The following GXYLT2 variants were observed in gnomAD, a reference collection of about 807,000 sequenced individuals.
The protein encoded by GXYLT2 is glycosyltransferase 8 domain containing 4.
A neutral mutation model predicts 45.8 loss-of-function variants in GXYLT2; 53 were observed. That is an observed-to-expected ratio of 1.16 (90% CI 0.93 to 1.46). The LOEUF is 1.46. Ranked by LOEUF, GXYLT2 falls within the 40% of genes most tolerant of loss-of-function variation. The pLI, the probability that GXYLT2 is intolerant of heterozygous loss-of-function variation, is 0.00. For synonymous variants in GXYLT2, 219 were observed against 214.2 expected, an observed-to-expected ratio of 1.02 and a Z score of -0.19; for missense variants, 551 against 544.4, an observed-to-expected ratio of 1.01 and a Z score of -0.12.
intron 1 of GXYLT2, among the ~76,000 whole-genome samples, chr3:72,900,926 G>A (rs1709390778): frequency 1.3e-5 from 2 of 152,004 alleles, no homozygotes; most frequent in Admixed American, 1.3e-4. Flanking sequence ...AGGCCAAGGT[G>A]GGTAGATCAT....
intron 2 of GXYLT2, among the ~76,000 whole-genome samples, chr3:72,912,601 A>G (rs958875222): frequency 1.3e-5 from 2 of 152,194 alleles, no homozygotes; most frequent in Non-Finnish European, 2.9e-5. Context: ...ATGTAATGCT[A>G]TGTGACAAAA....
chr3:72,911,469 G>T (rs575520580), intron 2 of GXYLT2, among the ~76,000 whole-genome samples: 1 of 152,268 alleles, frequency 6.6e-6, no homozygotes, highest in Admixed American at 6.5e-5. Context: ...GGGCAGAAGG[G>T]ATGGTATGTC....
intron 5 of GXYLT2, among the ~76,000 whole-genome samples, chr3:72,963,515 T>TTG (rs1356148410): frequency 1.3e-5 from 2 of 151,076 alleles, no homozygotes; most frequent in Non-Finnish European, 3.0e-5. Flanking sequence ...TTGTTTTTTT[T>TTG]TTTTTGAGAC....
intron 1 of GXYLT2, among the ~76,000 whole-genome samples, chr3:72,905,255 T>C (rs1709489957): frequency 6.6e-6 from 1 of 151,972 alleles, no homozygotes; most frequent in Admixed American, 6.6e-5. Context: ...GTAGCTGGGA[T>C]TACAGGCACA....
intron 2 of GXYLT2, among the ~76,000 whole-genome samples, chr3:72,917,256 A>C (rs976589241): frequency 6.6e-6 from 1 of 152,050 alleles, no homozygotes; most frequent in Non-Finnish European, 1.5e-5. Flanking sequence ...AATTTCCCAT[A>C]CTTTTTCGAG....
intron 1 of GXYLT2, among the ~76,000 whole-genome samples, chr3:72,896,890 G>A (rs570946317): frequency 4.6e-5 from 7 of 151,914 alleles, no homozygotes; most frequent in East Asian, 1.9e-4. Flanking sequence ...GTTCAAATCC[G>A]TTTTGTAGTA....
At chr3:72,956,999 G>A (rs1046907630) in intron 4 of GXYLT2, among the ~76,000 whole-genome samples, 7 of 148,286 alleles carry the variant, frequency 4.7e-5, no homozygotes, top group Non-Finnish European at 1.0e-4. Flanking sequence ...AGAAACCATA[G>A]GTTCAACTTT....
intron 3 of GXYLT2, among the ~76,000 whole-genome samples, chr3:72,945,183 G>A (rs112334346): frequency 0.1 from 15,181 of 151,812 alleles, 1,048 homozygotes; most frequent in East Asian, 0.31. Context: ...TGCTACTAAG[G>A]AGGCTGAGGC....
chr3:72,947,478 T>C (rs1185770981), intron 3 of GXYLT2, among the ~76,000 whole-genome samples: 1 of 152,136 alleles, frequency 6.6e-6, no homozygotes, highest in Non-Finnish European at 1.5e-5. Context: ...GAGCCTTTCA[T>C]AGACTATGGT....
chr3:72,912,853 G>C (rs544781966), intron 2 of GXYLT2, among the ~76,000 whole-genome samples: 4 of 152,256 alleles, frequency 2.6e-5, no homozygotes, highest in African/African-American at 9.6e-5. Flanking sequence ...CATAATAAAT[G>C]ATTGTTTTAT....
chr3:72,949,041 C>T (rs1710464786), intron 3 of GXYLT2, among the ~76,000 whole-genome samples: 1 of 152,110 alleles, frequency 6.6e-6, no homozygotes, highest in Admixed American at 6.6e-5. Context: ...GTGTGACTTG[C>T]TGAGGATTGG....
At chr3:72,903,980 A>G (rs1709455516) in intron 1 of GXYLT2, among the ~76,000 whole-genome samples, 1 of 152,334 alleles carries the variant, frequency 6.6e-6, no homozygotes, top group Non-Finnish European at 1.5e-5. Context: ...CTGCCCTGCC[A>G]TCATCTGACT....
intron 3 of GXYLT2, among the ~76,000 whole-genome samples, chr3:72,933,033 A>G (rs766508716): frequency 6.6e-6 from 1 of 152,228 alleles, no homozygotes; most frequent in Non-Finnish European, 1.5e-5. Context: ...AGTGTTGTGA[A>G]AATTCAAATT....
chr3:72,943,253 A>G (rs1332635879), intron 3 of GXYLT2, among the ~76,000 whole-genome samples: 1 of 152,238 alleles, frequency 6.6e-6, no homozygotes, highest in Non-Finnish European at 1.5e-5. Context: ...CTCAAAATGT[A>G]TTTGGCTTAA....
chr3:72,953,230 A>G (rs1710560329), intron 3 of GXYLT2, among the ~76,000 whole-genome samples: 2 of 152,106 alleles, frequency 1.3e-5, no homozygotes, highest in Admixed American at 1.3e-4. Context: ...TGAAATTCAA[A>G]CTTCCGTGTC....
chr3:72,970,754 C>T (rs1037280311), intron 6 of GXYLT2, among the ~76,000 whole-genome samples: 2 of 151,992 alleles, frequency 1.3e-5, no homozygotes, highest in East Asian at 2.0e-4. Context: ...CCCAGCTACT[C>T]GGGTGGCTGA....
Position 72,912,159 on chromosome 3 carries a change from G to A in GXYLT2, c.468+3600G>A, listed in dbSNP as rs190068314. Among the ~76,000 whole-genome samples the A allele has an allele frequency of 3.7e-3, 556 of 151,420 alleles. 2 individuals are homozygous for A. The highest frequency in any genetic ancestry group is 0.013 in the African/African-American group (525 of 41,228). ...CCAAGTAGCTGGGACTACAAACTGC[G>A]CCACCACGCCCGGCTAATTTTTGTA... On this transcript the variant is annotated intron_variant, in intron 2 of 6. Coordinates refer to ENST00000389617, the MANE Select transcript of GXYLT2 (RefSeq NM_001080393.2).
At chr3:72,915,577 C>T (rs986077987) in intron 2 of GXYLT2, among the ~76,000 whole-genome samples, 7 of 152,028 alleles carry the variant, frequency 4.6e-5, no homozygotes, top group African/African-American at 1.4e-4. Flanking sequence ...TGGCTCACGC[C>T]TGTAATCCCA....
intron 2 of GXYLT2, among the ~76,000 whole-genome samples, chr3:72,918,897 T>G (rs1461851655): frequency 6.6e-6 from 1 of 152,092 alleles, no homozygotes; most frequent in Non-Finnish European, 1.5e-5. Flanking sequence ...GTGTCATATG[T>G]GATTAGAGCA....
Sources: allele counts gnomAD v4.1 joint callset (sites outside exome capture counted in the v4.1 genomes callset), GRCh38; gene constraint gnomAD v4.1.1; transcripts MANE v1.5; gene names NCBI Gene and HGNC (gene_info 2026-07-23, HGNC 2026-07-21).